OSBPL9: variants seen among roughly 807,000 people sequenced by gnomAD.
OSBPL9 encodes oxysterol binding protein like 9.
In OSBPL9, 40 loss-of-function variants were observed where a neutral mutation model predicts 106.6. The observed-to-expected ratio is 0.38, with a 90% CI of 0.29 to 0.49. OSBPL9 has a LOEUF of 0.49. Among genes scored for constraint, OSBPL9 ranks in the 20% least tolerant of loss-of-function variants. The probability of loss-of-function intolerance (pLI) is 0.97; values close to 1 mark genes in which losing one functional copy is unlikely to be tolerated. For synonymous variants in OSBPL9, 269 were observed against 295.4 expected (o/e 0.91, Z 0.92); for missense variants, 609 against 887.2 (o/e 0.69, Z 3.98).
chr1:51,629,389 A>G (rs1389968306), intron 1 of OSBPL9, among the ~76,000 whole-genome samples: 4 of 152,138 alleles, frequency 2.6e-5, no homozygotes, highest in African/African-American at 7.2e-5. Context: ...AAATATAGTC[A>G]TGGGTCGCTT....
the OSBPL9 span, chr1:51,567,525 T>C: frequency 1.3e-5 from 2 of 152,236 alleles, no homozygotes; most frequent in Non-Finnish European, 2.9e-5. Flanking sequence ...GGAACTGGGC[T>C]ATGCCAAGCA....
chr1:51,691,547 A>G (rs923551028), intron 3 of OSBPL9, among the ~76,000 whole-genome samples: 2 of 151,554 alleles, frequency 1.3e-5, no homozygotes, highest in Non-Finnish European at 2.9e-5. Flanking sequence ...CGGCCTCCCA[A>G]AGTGCTGGGA....
intron 4 of OSBPL9, among the ~76,000 whole-genome samples, chr1:51,731,416 A>G (rs1222953288): frequency 1.3e-5 from 2 of 152,082 alleles, no homozygotes; most frequent in African/African-American, 4.8e-5. Context: ...GCACCGCTGC[A>G]CTCTAGCCTG....
At chr1:51,641,998 A>G (rs750732153) in intron 1 of OSBPL9, among the ~76,000 whole-genome samples, 4 of 152,232 alleles carry the variant, frequency 2.6e-5, no homozygotes, top group Admixed American at 6.5e-5. Flanking sequence ...GTGGTTATAA[A>G]GATGGTAGCT....
Position 51,745,748 on chromosome 1 carries a change from G to A in OSBPL9, c.414+117G>A, listed in dbSNP as rs1248046043. ...ACAGCCCTCATGTGGTTCTTCAGCA[G>A]TTTTTAAAGCAGACTTAAAAGATCT... On this transcript the variant is annotated intron_variant, in intron 5 of 23. Coordinates refer to ENST00000428468, the MANE Select transcript of OSBPL9 (RefSeq NM_024586.6). The A allele has an allele frequency of 2.4e-6, 3 of 1,258,778 alleles. No homozygotes were observed. The South Asian group carries it at 6.8e-5, about 28-fold the overall frequency. The allele number at this position is 1,258,778 out of a possible 1,614,324, so 78.0% of individuals were successfully genotyped here.
chr1:51,712,209 G>A (rs1316431762), intron 3 of OSBPL9, among the ~76,000 whole-genome samples: 12 of 152,378 alleles, frequency 7.9e-5, no homozygotes, highest in African/African-American at 2.9e-4. Flanking sequence ...TTAGGGGCTG[G>A]AGACCGGCCC....
intron 3 of OSBPL9, among the ~76,000 whole-genome samples, chr1:51,688,636 A>G (rs1413612392): frequency 2.0e-5 from 3 of 152,168 alleles, no homozygotes; most frequent in East Asian, 1.9e-4. Flanking sequence ...AAAATAAACT[A>G]AAAAAATTTT....
At chr1:51,532,383 G>A in the OSBPL9 span, among the ~76,000 whole-genome samples, 4 of 152,288 alleles carry the variant, frequency 2.6e-5, no homozygotes, top group Non-Finnish European at 5.9e-5. Flanking sequence ...TGGAGTGCAG[G>A]GGAAAGAATT....
intron 3 of OSBPL9, among the ~76,000 whole-genome samples, chr1:51,705,400 T>TATATATATATG (rs1465007339): frequency 2.9e-5 from 1 of 34,740 alleles, no homozygotes; most frequent in African/African-American, 1.5e-4. Context: ...TATATATATA[T>TATATATATATG]TTTTTTTTTT....
intron 4 of OSBPL9, among the ~76,000 whole-genome samples, chr1:51,739,855 T>A (rs1666505411): frequency 6.6e-6 from 1 of 152,118 alleles, no homozygotes; most frequent in Middle Eastern, 3.4e-3. Flanking sequence ...ATGGTATAAG[T>A]AATATTTCTG....
chr1:51,671,845 G>T (rs1410285719), intron 3 of OSBPL9, among the ~76,000 whole-genome samples: 3 of 152,132 alleles, frequency 2.0e-5, no homozygotes, highest in East Asian at 1.9e-4. Flanking sequence ...CTATGTTGGT[G>T]GGGGAGGTGG....
intron 3 of OSBPL9, among the ~76,000 whole-genome samples, chr1:51,683,315 C>T (rs1653016421): frequency 6.7e-6 from 1 of 150,266 alleles, no homozygotes; most frequent in African/African-American, 2.4e-5. Flanking sequence ...AGAGTAGCTG[C>T]GATTACAGAC....
intron 4 of OSBPL9, among the ~76,000 whole-genome samples, chr1:51,744,595 G>T (rs1340730257): frequency 1.1e-4 from 17 of 152,210 alleles, no homozygotes; most frequent in Non-Finnish European, 7.3e-5. Context: ...GAGATGACAA[G>T]TGAAAGTCAA....
At chr1:51,750,494 C>G (rs1361196639) in intron 8 of OSBPL9, among the ~76,000 whole-genome samples, 1 of 152,004 alleles carries the variant, frequency 6.6e-6, no homozygotes, top group South Asian at 2.1e-4. Flanking sequence ...AAACCTTCCA[C>G]AAAAAAAGTT....
the OSBPL9 span, chr1:51,565,844 G>T: frequency 2.0e-5 from 3 of 152,190 alleles, no homozygotes; most frequent in African/African-American, 7.2e-5. Flanking sequence ...TTGCCTCCCT[G>T]GCTCTCAGCA....
chr1:51,649,105 AAAATG>A (rs1306168822), intron 1 of OSBPL9, among the ~76,000 whole-genome samples: 1 of 152,046 alleles, frequency 6.6e-6, no homozygotes, highest in Non-Finnish European at 1.5e-5. Context: ...CTCATTTTAA[AAAATG>A]TTTAATTTTA....
chr1:51,765,818 C>T lies in OSBPL9; in HGVS notation c.779-4C>T, dbSNP rs1672436517. The T allele has an allele frequency of 2.5e-6, 4 of 1,606,658 alleles. No homozygotes were observed. Among genetic ancestry groups the T allele is most frequent in the Non-Finnish European group, 3.4e-6 (4 of 1,177,266 alleles). ...TTTTCTCTAAAACCCTTTTAACTTCCTAGGCAGTGGCCATTCACCACCGAG... is the reference window on the plus strand; with the variant it reads ...TTTTCTCTAAAACCCTTTTAACTTCTTAGGCAGTGGCCATTCACCACCGAG... On this transcript the variant is annotated splice_polypyrimidine_tract_variant and splice_region_variant and intron_variant, in intron 11 of 23. Transcript: ENST00000428468.
intron 3 of OSBPL9, among the ~76,000 whole-genome samples, chr1:51,688,361 G>T (rs965429990): frequency 6.6e-6 from 1 of 152,156 alleles, no homozygotes; most frequent in South Asian, 2.1e-4. Context: ...GCCAGGCATG[G>T]TAGCCTATGC....
intron 1 of OSBPL9, among the ~76,000 whole-genome samples, chr1:51,590,649 A>G (rs576745808): frequency 6.6e-6 from 1 of 151,896 alleles, no homozygotes; most frequent in Admixed American, 6.6e-5. Flanking sequence ...AAAAAAGAAA[A>G]AAAAAGTCAC....
Sources: allele counts gnomAD v4.1 joint callset (sites outside exome capture counted in the v4.1 genomes callset), GRCh38; gene constraint gnomAD v4.1.1; transcripts MANE v1.5; gene names NCBI Gene and HGNC (gene_info 2026-07-23, HGNC 2026-07-21).